STARD5: variants seen among roughly 807,000 people sequenced by gnomAD.
STARD5 encodes the protein StAR related lipid transfer domain containing 5.
Under a neutral mutation model 24.6 loss-of-function variants are expected in STARD5, and 26 were observed. The observed-to-expected ratio is 1.06, with a 90% CI of 0.77 to 1.47. The LOEUF is 1.47. STARD5 is among the 40% of genes most tolerant of loss of function. The pLI, the probability that STARD5 is intolerant of heterozygous loss-of-function variation, is 0.00. For synonymous variants in STARD5, 101 were observed against 99.7 expected, an observed-to-expected ratio of 1.01 and a Z score of -0.07; for missense variants, 254 against 270.8, an observed-to-expected ratio of 0.94 and a Z score of 0.44.
At chr15:81,313,508 C>G in intron 5 of STARD5, 105 bp from the exon 6 acceptor site, 1 of 1,143,676 alleles carries the variant, frequency 8.7e-7, no homozygotes, top group Non-Finnish European at 1.2e-6. Context: ...GGCCATGATA[C>G]AGTGATCGCG....
chr15:81,315,089 C>T (rs571389391), intron 5 of STARD5, among the ~76,000 whole-genome samples: 22 of 152,048 alleles, frequency 1.4e-4, no homozygotes, highest in Admixed American at 9.2e-4. Flanking sequence ...TTCCTTCCAT[C>T]TCAAAGTCCT....
rs773811931 is a variant in STARD5, at chr15:81,313,318, GGAA to G, written c.577_579del (p.Phe193del). 6.0e-5 allele frequency: 94 copies of G among 1,578,624 alleles called. No individual in the cohort carries two copies. The highest frequency in any genetic ancestry group is 1.8e-5 in the Admixed American group (1 of 55,224). On this transcript the variant is annotated inframe_deletion, in exon 6 of 6. Coordinates refer to ENST00000302824, the MANE Select transcript of STARD5 (RefSeq NM_181900.3). ...GCATAAAACCGGGTCATGCTGCGGG[GGAA>G]GAAGGAGTCCACCACGTTCTGTGGG...
chr15:81,317,194 C>CAAAA (rs34300152), intron 5 of STARD5, among the ~76,000 whole-genome samples: 1 of 106,674 alleles, frequency 9.4e-6, no homozygotes, highest in African/African-American at 3.3e-5. Context: ...AACTCCGTCT[C>CAAAA]AAAAAAAAAA....
intron 4 of STARD5, 68 bp downstream of exon 4, chr15:81,319,271 C>A (rs907835457): frequency 1.8e-5 from 25 of 1,359,668 alleles, no homozygotes; most frequent in African/African-American, 2.9e-5. Context: ...CCTTAAGGAA[C>A]TGTGGGGTGC....
rs372923576 is a variant in STARD5, at chr15:81,324,101, G to A, written c.-2C>T. On this transcript the variant is annotated 5_prime_UTR_variant, in exon 1 of 6. Coordinates refer to ENST00000302824, the MANE Select transcript of STARD5 (RefSeq NM_181900.3). ...CTGGGCTGCCAGCGCCGGGTCCATT[G>A]CGTCGGGAGCTGCGCTTAGCTGCGG... 1.3e-5 allele frequency: 19 copies of A among 1,451,592 alleles called. No individual in the cohort carries two copies. Among genetic ancestry groups the A allele is most frequent in the Admixed American group, 2.3e-5 (1 of 43,512 alleles). 89.9% of individuals were successfully genotyped at this position (1,451,592 alleles called of 1,614,324 possible).
intron 4 of STARD5, among the ~76,000 whole-genome samples, 198 bp from the exon 5 acceptor site, chr15:81,318,700 G>A (rs990904517): frequency 1.4e-4 from 21 of 152,154 alleles, no homozygotes; most frequent in Middle Eastern, 3.4e-3. Context: ...TCTCACATGC[G>A]TGTACACAAA....
chr15:81,319,483 G>A (rs775822344), intron 3 of STARD5, 27 bp from the exon 4 acceptor site: 3 of 1,598,274 alleles, frequency 1.9e-6, no homozygotes, highest in Admixed American at 3.3e-5. Flanking sequence ...GCATGTAGCT[G>A]TGACTGCTGG....
At position 81,313,360 on chromosome 15, in the gene STARD5, G is replaced by C; in HGVS notation, c.538C>G (p.Leu180Val). ...ACGTTCTGTGGGAGGTAACCGCTGA[G>C]GTCGGTATGGAAGAATGTGACCAGG... Reference protein sequence around the residue: ...TNLVTFFHTDLSGYLPQNVVD... With the variant: ...TNLVTFFHTDVSGYLPQNVVD... Residue 180 changes from leucine to valine, a missense_variant, in exon 6 of 6, where the codon CTC (leucine) becomes GTC (valine). By Grantham distance (32) the Leu-to-Val change is conservative (BLOSUM62 1). Coordinates refer to ENST00000302824, the MANE Select transcript of STARD5 (RefSeq NM_181900.3). The C allele has an allele frequency of 6.3e-7, 1 of 1,582,262 alleles. No homozygotes were observed. Among genetic ancestry groups the C allele is most frequent in the South Asian group, 1.2e-5 (1 of 84,874 alleles).
intron 1 of STARD5, 29 bp downstream of exon 1, chr15:81,323,972 G>GA: frequency 6.4e-7 from 1 of 1,563,832 alleles, no homozygotes; most frequent in Non-Finnish European, 8.7e-7. Context: ...CCGTCTCCGC[G>GA]ACCCCTTCCC....
chr15:81,323,882 C>A, intron 1 of STARD5, 119 bp downstream of exon 1: 1 of 1,021,924 alleles, frequency 9.8e-7, no homozygotes, highest in Non-Finnish European at 1.5e-6. Context: ...CCCTCTCAAT[C>A]GGGTCCAGGG....
chr15:81,316,186 T>C (rs1367836217), intron 5 of STARD5, among the ~76,000 whole-genome samples: 2 of 152,316 alleles, frequency 1.3e-5, no homozygotes, highest in East Asian at 3.9e-4. Context: ...TGTGCCTTGC[T>C]CAAACGTCTT....
At position 81,313,393 on chromosome 15, in the gene STARD5, T is replaced by C. The variant is rs756673663; in HGVS notation, c.505A>G (p.Lys169Glu). Reference protein sequence around the residue: ...FCEPLPGEPTKTNLVTFFHTD... With the variant: ...FCEPLPGEPTETNLVTFFHTD... ...TGGAAGAATGTGACCAGGTTGGTCT[T>C]GGTGGGTTCCCTGTGAAGGCAACAG... Residue 169 changes from lysine to glutamate, a missense_variant, in exon 6 of 6, where the codon AAG becomes GAG. Lys to Glu is a moderately conservative substitution (Grantham distance 56). Transcript: ENST00000302824. The C allele has an allele frequency of 6.4e-7, 1 of 1,552,328 alleles. No individual in the cohort carries two copies. The highest frequency in any genetic ancestry group is 8.7e-7 in the Non-Finnish European group (1 of 1,147,436).
intron 3 of STARD5, 139 bp downstream of exon 3, chr15:81,322,269 C>A (rs979774451): frequency 2.6e-6 from 3 of 1,148,486 alleles, no homozygotes; most frequent in African/African-American, 1.5e-5. Flanking sequence ...TCCAATGCTG[C>A]AAGCAGTGGG....
At chr15:81,322,324 G>C (rs1893304942) in intron 3 of STARD5, 84 bp downstream of exon 3, 3 of 1,549,560 alleles carry the variant, frequency 1.9e-6, no homozygotes, top group Admixed American at 3.4e-5. Context: ...AAGGTATCAC[G>C]GACCCCTTCC....
intron 5 of STARD5, among the ~76,000 whole-genome samples, chr15:81,314,692 T>C (rs147539124): frequency 6.6e-6 from 1 of 151,780 alleles, no homozygotes; most frequent in East Asian, 1.9e-4. Flanking sequence ...TCGAGACCAA[T>C]CTGGACAACA....
At chr15:81,313,621 G>C in intron 5 of STARD5, 1 of 361,006 alleles carries the variant, frequency 2.8e-6, no homozygotes, top group South Asian at 1.3e-4. Flanking sequence ...AGCCTCTCCC[G>C]GCCTCCAGGG....
chr15:81,323,071 C>T, intron 1 of STARD5, 123 bp from the exon 2 acceptor site: 1 of 1,027,402 alleles, frequency 9.7e-7, no homozygotes, highest in Non-Finnish European at 1.5e-6. Flanking sequence ...CAAGGCTGTG[C>T]AACCCATACG....
At chr15:81,314,357 T>C (rs1389425458) in intron 5 of STARD5, among the ~76,000 whole-genome samples, 2 of 152,214 alleles carry the variant, frequency 1.3e-5, no homozygotes, top group Admixed American at 6.5e-5. Flanking sequence ...GGGCACACGA[T>C]GTGGAGATGG....
intron 3 of STARD5, 91 bp from the exon 4 acceptor site, chr15:81,319,547 T>A: frequency 9.1e-7 from 1 of 1,104,692 alleles, no homozygotes; most frequent in Non-Finnish European, 1.4e-6. Context: ...GGAAAGGTAC[T>A]AGGGCTGACA....
Sources: allele counts gnomAD v4.1 joint callset (sites outside exome capture counted in the v4.1 genomes callset), GRCh38; gene constraint gnomAD v4.1.1; transcripts MANE v1.5; gene names NCBI Gene and HGNC (gene_info 2026-07-23, HGNC 2026-07-21).